CHDH: variants seen among roughly 807,000 people sequenced by gnomAD.
The protein encoded by CHDH is choline dehydrogenase, also known as choline dehydrogenase, mitochondrial.
In CHDH, 43 loss-of-function variants were observed where a neutral mutation model predicts 56.9. That is an observed-to-expected ratio of 0.76 (90% CI 0.59 to 0.97). The LOEUF is 0.97. CHDH is among the 50% of genes least tolerant of loss of function. The pLI is 0.00. For missense variants in CHDH, 816 were observed against 821.1 expected, an observed-to-expected ratio of 0.99 and a Z score of 0.08; for synonymous variants, 364 against 348.5, an observed-to-expected ratio of 1.04 and a Z score of -0.50.
At chr3:53,843,958 G>A (rs898914846) in intron 1 of CHDH, among the ~76,000 whole-genome samples, 17 of 152,222 alleles carry the variant, frequency 1.1e-4, no homozygotes, top group Non-Finnish European at 1.5e-4. Flanking sequence ...GGCCACCTGG[G>A]ACCTCTCATG....
intron 2 of CHDH, among the ~76,000 whole-genome samples, chr3:53,834,254 C>T (rs539816770): frequency 6.6e-6 from 1 of 152,092 alleles, no homozygotes; most frequent in East Asian, 1.9e-4. Context: ...CAAAACCAGC[C>T]TGGCCAACAT....
At chr3:53,821,889 C>G in intron 4 of CHDH, 113 bp from the exon 5 acceptor site, 4 of 1,376,742 alleles carry the variant, frequency 2.9e-6, no homozygotes, top group East Asian at 2.3e-5. Context: ...GATGTAGAAT[C>G]CTGTGGCACA....
rs568494177 is a variant in CHDH, at chr3:53,821,576, A to G, written c.985+71T>C. 3.0e-5 allele frequency: 41 copies of G among 1,366,908 alleles called. No individual in the cohort carries two copies. In the East Asian group the frequency reaches 8.1e-4, roughly 27 times the overall value. The allele number at this position is 1,366,908 out of a possible 1,614,324, so 84.7% of individuals were successfully genotyped here. A position where few individuals can be genotyped will look rare whatever the true frequency, so the allele number is the denominator to read the frequency against. On this transcript the variant is annotated intron_variant, in intron 5 of 8. Coordinates refer to ENST00000315251, the MANE Select transcript of CHDH (RefSeq NM_018397.5). ...GCCACCACCTCCCCACTTCATGCTA[A>G]TAAGATACATACACTAAGCCTTTTG...
At chr3:53,842,021 T>TG (rs1227560933) in intron 1 of CHDH, among the ~76,000 whole-genome samples, 4 of 151,358 alleles carry the variant, frequency 2.6e-5, no homozygotes, top group Non-Finnish European at 4.4e-5. Flanking sequence ...TCAGGCATGG[T>TG]GGTGTGCACC....
intron 2 of CHDH, among the ~76,000 whole-genome samples, chr3:53,832,767 C>G (rs1009478320): frequency 1.3e-5 from 2 of 151,994 alleles, no homozygotes; most frequent in Non-Finnish European, 2.9e-5. Flanking sequence ...TTAGAGGTTA[C>G]TAGGAGACGA....
Position 53,817,280 on chromosome 3 carries a change from G to A in CHDH, c.*497C>T, listed in dbSNP as rs559280966. 2 of 155,916 alleles carry A rather than the reference G, an allele frequency of 1.3e-5. No individual in the cohort carries two copies. Among genetic ancestry groups the A allele is most frequent in the Non-Finnish European group, 2.8e-5 (2 of 70,596 alleles). The allele number at this position is 155,916 out of a possible 1,614,324, so 9.7% of individuals were successfully genotyped here. A position where few individuals can be genotyped will look rare whatever the true frequency, so the allele number is the denominator to read the frequency against. On this transcript the variant is annotated 3_prime_UTR_variant, in exon 9 of 9. Coordinates refer to ENST00000315251, the MANE Select transcript of CHDH (RefSeq NM_018397.5). The stretch of plus-strand genomic sequence containing the variant: ...TTCCCCTCTCAACAGGGACACTGGG[G>A]ACTTATGTGCCAGCCCAGGCTGAAC...
chr3:53,821,529 A>ATAGT (rs779386723), intron 5 of CHDH, 118 bp downstream of exon 5: 11 of 888,456 alleles, frequency 1.2e-5, no homozygotes, highest in Non-Finnish European at 2.0e-5. Flanking sequence ...GGACAATGTG[A>ATAGT]TAGTTCCAAG....
chr3:53,822,779 GGAAAGACCCT>G (rs1174913074), intron 3 of CHDH, 137 bp from the exon 4 acceptor site: 7 of 1,171,954 alleles, frequency 6.0e-6, no homozygotes, highest in Non-Finnish European at 7.0e-6. Flanking sequence ...AAGCTGAGAC[GGAAAGACCCT>G]GCAAGACCCT....
In CHDH at chr3:53,819,661, A is replaced by C; in HGVS notation, c.1134T>G (p.Thr378=). The change falls in exon 7 of 9, where the codon ACT becomes ACG. Residue 378 remains threonine (T), a synonymous_variant. Transcript: ENST00000315251. This position sits in a 1 kb window ranked among gnomAD's most constrained non-coding sequence, Gnocchi z 5.4. ...WLWKFTGEGA[T]AHLETGGFIR... Reference sequence around the variant, plus strand: ...TGAACCCACCTGTTTCCAGATGGGCAGTGGCTCCCTCCCCTGAGAAGCAGA... The same window carrying C: ...TGAACCCACCTGTTTCCAGATGGGCCGTGGCTCCCTCCCCTGAGAAGCAGA... The C allele has an allele frequency of 1.2e-6, 2 of 1,605,380 alleles. No homozygotes were observed. The highest frequency in any genetic ancestry group is 1.7e-6 in the Non-Finnish European group (2 of 1,175,406).
rs1378413382 is a variant in CHDH at position 53,823,282 on chromosome 3, T to A, written c.703+24A>T. On this transcript the variant is annotated intron_variant, in intron 3 of 8. Transcript: ENST00000315251. ...GCTGGGGTAGGGGGTAGTGCTTTTTTAAAAAGAGAAGGGAGACCACTACCT... is the reference window on the plus strand; with the variant it reads ...GCTGGGGTAGGGGGTAGTGCTTTTTAAAAAAGAGAAGGGAGACCACTACCT... 12 of 1,481,974 alleles carry A rather than the reference T, an allele frequency of 8.1e-6. No individual in the cohort carries two copies. The South Asian group carries it at 9.7e-5, about 12-fold the overall frequency. The allele number at this position is 1,481,974 out of a possible 1,614,324, so 91.8% of individuals were successfully genotyped here. A position where few individuals can be genotyped will look rare whatever the true frequency, so the allele number is the denominator to read the frequency against.
At chr3:53,845,498 G>A (rs142959200) in intron 1 of CHDH, among the ~76,000 whole-genome samples, 16 of 152,296 alleles carry the variant, frequency 1.1e-4, no homozygotes, top group Admixed American at 2.0e-4. Flanking sequence ...CAAACCGAGG[G>A]GGCTGAAGCA....
chr3:53,835,979 G>A (rs547923646), intron 2 of CHDH, among the ~76,000 whole-genome samples: 1 of 152,332 alleles, frequency 6.6e-6, no homozygotes, highest in East Asian at 1.9e-4. Flanking sequence ...GTCATAGTCA[G>A]CATGCAAAAA....
chr3:53,820,616 G>T lies in CHDH; in HGVS notation c.986-8C>A. ...GCAGGTTCTGGCCAACCCCTGATAC[G>T]GGAAGGAGTGGTTTAGAAAATGGCT... On this transcript the variant is annotated splice_region_variant and splice_polypyrimidine_tract_variant and intron_variant, in intron 5 of 8. Coordinates refer to ENST00000315251, the MANE Select transcript of CHDH (RefSeq NM_018397.5). 6.2e-7 allele frequency: 1 copy of T among 1,606,552 alleles called. No homozygotes were observed. The highest frequency in any genetic ancestry group is 8.5e-7 in the Non-Finnish European group (1 of 1,176,828).
intron 2 of CHDH, among the ~76,000 whole-genome samples, chr3:53,832,689 C>T (rs1247011315): frequency 1.3e-5 from 2 of 152,170 alleles, no homozygotes; most frequent in East Asian, 1.9e-4. Flanking sequence ...GTGAAATAAG[C>T]CAGACACCAA....
chr3:53,828,215 A>G (rs1361884067), intron 2 of CHDH, among the ~76,000 whole-genome samples: 1 of 150,480 alleles, frequency 6.6e-6, no homozygotes, highest in East Asian at 1.9e-4. Context: ...AATATAGACA[A>G]AGACCTTATA....
rs2095618117 is a variant in CHDH, at chr3:53,817,635, T to C, written c.*142A>G. The C allele has an allele frequency of 3.0e-6, 2 of 665,660 alleles. No individual in the cohort carries two copies. Among genetic ancestry groups the C allele is most frequent in the Non-Finnish European group, 5.0e-6 (2 of 397,140 alleles). The allele number at this position is 665,660 out of a possible 1,614,324, so 41.2% of individuals were successfully genotyped here. A position where few individuals can be genotyped will look rare whatever the true frequency, so the allele number is the denominator to read the frequency against. ...ACTTGTCTCATTTCCCAAGACTTTATCCAATTCTCAGCCACTGAGTAGGGT... is the reference window on the plus strand; with the variant it reads ...ACTTGTCTCATTTCCCAAGACTTTACCCAATTCTCAGCCACTGAGTAGGGT... On this transcript the variant is annotated 3_prime_UTR_variant, in exon 9 of 9. Transcript: ENST00000315251.
intron 2 of CHDH, among the ~76,000 whole-genome samples, chr3:53,834,803 C>T (rs559342657): frequency 1.3e-5 from 2 of 152,306 alleles, no homozygotes; most frequent in African/African-American, 4.8e-5. Context: ...AGCTCTTGGC[C>T]AGTGCAGTGT....
At chr3:53,833,584 C>A (rs896617221) in intron 2 of CHDH, among the ~76,000 whole-genome samples, 2 of 152,192 alleles carry the variant, frequency 1.3e-5, no homozygotes, top group African/African-American at 4.8e-5. Flanking sequence ...CAGGGAAAAA[C>A]AGGATAGCAT....
chr3:53,817,608 G>C lies in CHDH; in HGVS notation c.*169C>G. On this transcript the variant is annotated 3_prime_UTR_variant, in exon 9 of 9. Transcript: ENST00000315251. ...GAAAAGGAGCTGGATTCACTGCCCA[G>C]TACTTGTCTCATTTCCCAAGACTTT... 1 of 616,792 alleles carries C rather than the reference G, an allele frequency of 1.6e-6. No homozygotes were observed. Among genetic ancestry groups the C allele is most frequent in the Non-Finnish European group, 2.8e-6 (1 of 356,070 alleles). 38.2% of individuals were successfully genotyped at this position (616,792 alleles called of 1,614,324 possible).
Sources: gnomAD v4.1 joint callset for allele counts (sites outside exome capture counted in the v4.1 genomes callset) on GRCh38, gnomAD v4.1.1 for gene constraint, Gnocchi (gnomAD v3.1) non-coding constraint, MANE v1.5 for transcripts, NCBI Gene and HGNC (gene_info 2026-07-23, HGNC 2026-07-21) for gene names.